Variants in ADAM12 observed in about 807,000 individuals in gnomAD.
The protein encoded by ADAM12 is ADAM metallopeptidase domain 12.
Under a neutral mutation model 106.4 loss-of-function variants are expected in ADAM12, and 70 were observed. That is an observed-to-expected ratio of 0.66 (90% CI 0.54 to 0.80). The LOEUF (loss-of-function observed/expected upper bound fraction) is 0.80. ADAM12 is among the 30% of genes least tolerant of loss of function. ADAM12 has a pLI of 0.00. For synonymous variants in ADAM12, 420 were observed against 433.5 expected, an observed-to-expected ratio of 0.97 and a Z score of 0.39; for missense variants, 1,010 against 1,171.9, an observed-to-expected ratio of 0.86 and a Z score of 2.02.
At chr10:126,287,260 A>G (rs11244931) in intron 2 of ADAM12, among the ~76,000 whole-genome samples, 2,171 of 152,232 alleles carry the variant, frequency 0.014, 59 homozygotes, top group African/African-American at 0.049. Flanking sequence ...GTCTGAGGAC[A>G]ATGGCCAATT....
At chr10:126,193,287 A>AAAAAAAGAC (rs1331514242) in intron 3 of ADAM12, among the ~76,000 whole-genome samples, 1 of 151,026 alleles carries the variant, frequency 6.6e-6, no homozygotes, top group Non-Finnish European at 1.5e-5. Flanking sequence ...AAAAAAAAAA[A>AAAAAAAGAC]AAAAAAGACA....
chr10:126,095,270 C>T (rs1037176352), intron 10 of ADAM12, among the ~76,000 whole-genome samples: 1 of 152,030 alleles, frequency 6.6e-6, no homozygotes, highest in Non-Finnish European at 1.5e-5. Context: ...CGCAGTGGCT[C>T]ACGCCTGTAA....
chr10:126,294,898 A>G (rs1565196580), intron 2 of ADAM12, among the ~76,000 whole-genome samples: 1 of 150,294 alleles, frequency 6.7e-6, no homozygotes, highest in African/African-American at 2.4e-5. Context: ...TTGTGTGTAG[A>G]TGTGTGTGTG....
chr10:126,262,507 G>A (rs943959984), intron 3 of ADAM12, among the ~76,000 whole-genome samples: 1 of 152,146 alleles, frequency 6.6e-6, no homozygotes, highest in African/African-American at 2.4e-5. Context: ...TGTTCAAAAA[G>A]AGCAGTATGA....
intron 2 of ADAM12, among the ~76,000 whole-genome samples, chr10:126,290,726 C>T (rs1018925426): frequency 6.6e-6 from 1 of 152,082 alleles, no homozygotes; most frequent in African/African-American, 2.4e-5. Context: ...GAATATTATA[C>T]ATTTATTAAC....
intron 11 of ADAM12, among the ~76,000 whole-genome samples, chr10:126,086,707 A>ATAT (rs1449849709): frequency 3.2e-5 from 3 of 92,918 alleles, no homozygotes; most frequent in Admixed American, 1.3e-4. Context: ...ATATATATAT[A>ATAT]AAATAAAATA....
At position 126,053,350 on chromosome 10, in the gene ADAM12, T is replaced by C. The variant is rs1192560890; in HGVS notation, c.1610-3681A>G. Among the ~76,000 whole-genome samples, 2 of 152,180 alleles carry C rather than the reference T, an allele frequency of 1.3e-5. No individual in the cohort carries two copies. The highest frequency in any genetic ancestry group is 1.3e-4 in the Admixed American group (2 of 15,276). Reference sequence around the variant, plus strand: ...ATACAGGGTGTGCTTATGATTGTAATGCCCCAAATGCTGGTGGAGCAGCAC... The same window carrying C: ...ATACAGGGTGTGCTTATGATTGTAACGCCCCAAATGCTGGTGGAGCAGCAC... On this transcript the variant is annotated intron_variant, in intron 14 of 22. Transcript: ENST00000448723. This position sits in a 1 kb window ranked among gnomAD's most constrained non-coding sequence, Gnocchi z 4.6.
intron 6 of ADAM12, among the ~76,000 whole-genome samples, chr10:126,117,209 C>A (rs1956000400): frequency 6.6e-6 from 1 of 152,190 alleles, no homozygotes; most frequent in Non-Finnish European, 1.5e-5. Flanking sequence ...AAGAGCTCTA[C>A]TGTAGCCTCT....
chr10:126,330,325 CA>C, intron 2 of ADAM12, 86 bp downstream of exon 2: 1 of 1,135,356 alleles, frequency 8.8e-7, no homozygotes. Flanking sequence ...TGAGTAGAGA[CA>C]ACCCTTGAAT....
At chr10:126,271,656 T>A (rs948510255) in intron 3 of ADAM12, among the ~76,000 whole-genome samples, 1 of 152,162 alleles carries the variant, frequency 6.6e-6, no homozygotes, top group Non-Finnish European at 1.5e-5. Context: ...TCCCAGCTAC[T>A]AGGGAGGCTG....
At chr10:126,367,368 C>T (rs1406094231) in intron 1 of ADAM12, among the ~76,000 whole-genome samples, 2 of 151,528 alleles carry the variant, frequency 1.3e-5, no homozygotes, top group Non-Finnish European at 3.0e-5. Flanking sequence ...TTTAAACTGA[C>T]GATAATGAAA....
chr10:126,351,120 GCCCT>G (rs755147184), intron 1 of ADAM12, among the ~76,000 whole-genome samples: 33 of 152,196 alleles, frequency 2.2e-4, no homozygotes, highest in Admixed American at 3.3e-4. Context: ...CACGGGCAGT[GCCCT>G]CAGCCCGGAG....
At chr10:126,181,710 C>A (rs369016321) in intron 3 of ADAM12, among the ~76,000 whole-genome samples, 3 of 152,318 alleles carry the variant, frequency 2.0e-5, no homozygotes, top group South Asian at 4.1e-4. Context: ...TGGGATTCCA[C>A]CTCCATTTCT....
chr10:126,194,111 C>T (rs1256161679), intron 3 of ADAM12, among the ~76,000 whole-genome samples: 3 of 151,668 alleles, frequency 2.0e-5, no homozygotes, highest in African/African-American at 7.3e-5. Context: ...GCTCCAGGTG[C>T]TTATTAGGAG....
intron 1 of ADAM12, among the ~76,000 whole-genome samples, chr10:126,373,865 A>C (rs1856194019): frequency 6.6e-6 from 1 of 152,254 alleles, no homozygotes; most frequent in Non-Finnish European, 1.5e-5. Flanking sequence ...TGGAATCCCA[A>C]AGGCCTGGCA....
At chr10:126,260,766 CAT>C (rs1958985998) in intron 3 of ADAM12, among the ~76,000 whole-genome samples, 1 of 152,172 alleles carries the variant, frequency 6.6e-6, no homozygotes, top group Non-Finnish European at 1.5e-5. Flanking sequence ...ACCGTAATGA[CAT>C]GTGTGTCTAT....
chr10:126,172,595 G>C (rs1031511301), intron 3 of ADAM12, among the ~76,000 whole-genome samples: 2 of 152,162 alleles, frequency 1.3e-5, no homozygotes, highest in African/African-American at 4.8e-5. Flanking sequence ...TCATTAAAAA[G>C]TCAGGAAACA....
At chr10:126,172,413 GA>G (rs1957135616) in intron 3 of ADAM12, among the ~76,000 whole-genome samples, 1 of 151,778 alleles carries the variant, frequency 6.6e-6, no homozygotes, top group African/African-American at 2.4e-5. Context: ...AAATTTACAA[GA>G]AAAAAACAAC....
At chr10:126,351,572 G>A (rs571519010) in intron 1 of ADAM12, among the ~76,000 whole-genome samples, 18 of 152,212 alleles carry the variant, frequency 1.2e-4, no homozygotes, top group African/African-American at 4.1e-4. Flanking sequence ...TCCTCTCCTC[G>A]GATCCCCCAG....
Sources: gnomAD v4.1 joint callset for allele counts (sites outside exome capture counted in the v4.1 genomes callset) on GRCh38, gnomAD v4.1.1 for gene constraint, Gnocchi (gnomAD v3.1) non-coding constraint, MANE v1.5 for transcripts, NCBI Gene and HGNC (gene_info 2026-07-23, HGNC 2026-07-21) for gene names.